The following TNIK variants were observed in gnomAD, a reference collection of about 807,000 sequenced individuals.
TNIK encodes the protein TRAF2 and NCK interacting kinase, also known as TRAF2 and NCK-interacting protein kinase.
In TNIK, 49 loss-of-function variants were observed where a neutral mutation model predicts 191.3. That is an observed-to-expected ratio of 0.26 (90% CI 0.20 to 0.32). The LOEUF is 0.32. Among genes scored for constraint, TNIK ranks in the 10% least tolerant of loss-of-function variants. The pLI is 1.00. For synonymous variants in TNIK, 594 were observed against 600.9 expected, an observed-to-expected ratio of 0.99 and a Z score of 0.17; for missense variants, 1,155 against 1,702.3, an observed-to-expected ratio of 0.68 and a Z score of 5.66.
At chr3:171,308,780 C>T (rs1275137432) in intron 2 of TNIK, among the ~76,000 whole-genome samples, 1 of 152,056 alleles carries the variant, frequency 6.6e-6, no homozygotes, top group African/African-American at 2.4e-5. Context: ...ATACATGCAT[C>T]CAACAAGCAT....
chr3:171,145,576 G>T (rs185552198), intron 12 of TNIK, among the ~76,000 whole-genome samples: 1 of 152,194 alleles, frequency 6.6e-6, no homozygotes, highest in Admixed American at 6.5e-5. Context: ...TTTAATGAGG[G>T]AATAGTAATT....
intron 1 of TNIK, among the ~76,000 whole-genome samples, chr3:171,454,993 AG>A (rs1023562705): frequency 1.3e-5 from 2 of 152,242 alleles, no homozygotes; most frequent in African/African-American, 4.8e-5. Context: ...TTAAAAAAGA[AG>A]GTTTTAATGA....
chr3:171,355,384 T>G (rs1450294295), intron 2 of TNIK, among the ~76,000 whole-genome samples: 1 of 152,194 alleles, frequency 6.6e-6, no homozygotes, highest in Non-Finnish European at 1.5e-5. Context: ...TCTTCATAAG[T>G]TCACAAGTGG....
At chr3:171,425,248 A>G (rs1052800709) in intron 1 of TNIK, among the ~76,000 whole-genome samples, 1 of 152,236 alleles carries the variant, frequency 6.6e-6, no homozygotes, top group Non-Finnish European at 1.5e-5. Flanking sequence ...AGACTGGTGT[A>G]CAAACTAACA....
chr3:171,104,242 T>A (rs928962346), intron 21 of TNIK, among the ~76,000 whole-genome samples: 4 of 152,106 alleles, frequency 2.6e-5, no homozygotes, highest in African/African-American at 9.6e-5. Flanking sequence ...ATCCGTCCAG[T>A]ATTGAAAAAT....
chr3:171,066,547 C>G (rs1303188429), intron 31 of TNIK, 29 bp downstream of exon 31: 1 of 1,608,088 alleles, frequency 6.2e-7, no homozygotes, highest in East Asian at 2.2e-5. Context: ...GGTGTAACTG[C>G]TGAAGGAGAT....
intron 1 of TNIK, among the ~76,000 whole-genome samples, chr3:171,378,986 G>T (rs1717639739): frequency 6.6e-6 from 1 of 152,160 alleles, no homozygotes; most frequent in African/African-American, 2.4e-5. Context: ...GGAAAGGAAG[G>T]AAACAGGGAC....
intron 1 of TNIK, among the ~76,000 whole-genome samples, chr3:171,373,904 T>C (rs1716874117): frequency 6.6e-6 from 1 of 152,212 alleles, no homozygotes; most frequent in Non-Finnish European, 1.5e-5. Flanking sequence ...CGCAATATGT[T>C]GTGCACAGCT....
At chr3:171,327,634 T>C (rs1026163059) in intron 2 of TNIK, among the ~76,000 whole-genome samples, 3 of 151,962 alleles carry the variant, frequency 2.0e-5, no homozygotes, top group Non-Finnish European at 4.4e-5. Flanking sequence ...GAACAGTAGC[T>C]CTGGAGTCTG....
rs1033130548 is a variant in TNIK at position 171,366,992 on chromosome 3, C to A, written c.123+2628G>T. ...CGTAAATTTCCTGAGGCCTCCTCAG[C>A]CAGGCAGAACTGTGAGTCAGTTAAA... is the stretch of plus-strand genomic sequence containing the variant. On this transcript the variant is annotated intron_variant, in intron 2 of 32. Transcript: ENST00000436636. This position sits in a 1 kb window ranked among gnomAD's most constrained non-coding sequence, Gnocchi z 4.1. Among the ~76,000 whole-genome samples the A allele has an allele frequency of 1.3e-5, 2 of 152,202 alleles. No individual in the cohort carries two copies. Among genetic ancestry groups the A allele is most frequent in the Non-Finnish European group, 2.9e-5 (2 of 68,044 alleles).
intron 1 of TNIK, among the ~76,000 whole-genome samples, chr3:171,454,395 T>A (rs1405575114): frequency 1.3e-5 from 2 of 152,072 alleles, no homozygotes; most frequent in Non-Finnish European, 2.9e-5. Context: ...GTTTTACAGA[T>A]AAGGGGGAAA....
intron 2 of TNIK, among the ~76,000 whole-genome samples, chr3:171,268,387 C>T (rs1195631298): frequency 6.6e-6 from 1 of 152,050 alleles, no homozygotes; most frequent in Non-Finnish European, 1.5e-5. Context: ...CCTGTGAGGC[C>T]AGTAAACAAG....
rs963105056 is a variant in TNIK, at chr3:171,059,989, A to G, written c.*3892T>C. 6.6e-6 allele frequency among the ~76,000 whole-genome samples: 1 copy of G among 152,218 alleles called. No homozygotes were observed. The highest frequency in any genetic ancestry group is 1.5e-5 in the Non-Finnish European group (1 of 68,038). ...GGATTTTCTCATGTTTTCCTGCAGT[A>G]GGTTAAAATTAAAAGTTTTATCAAT... On this transcript the variant is annotated 3_prime_UTR_variant, in exon 33 of 33. Coordinates refer to ENST00000436636, the MANE Select transcript of TNIK (RefSeq NM_015028.4).
At chr3:171,311,983 T>C (rs1334425808) in intron 2 of TNIK, among the ~76,000 whole-genome samples, 2 of 149,512 alleles carry the variant, frequency 1.3e-5, no homozygotes, top group East Asian at 3.9e-4. Flanking sequence ...ACTTCGGGGG[T>C]TGGGGGCGGG....
intron 1 of TNIK, among the ~76,000 whole-genome samples, chr3:171,382,475 C>A (rs943850060): frequency 6.6e-6 from 1 of 152,148 alleles, no homozygotes; most frequent in Non-Finnish European, 1.5e-5. Flanking sequence ...CTCGCCTCAG[C>A]CTCCCAAAGT....
intron 1 of TNIK, among the ~76,000 whole-genome samples, chr3:171,423,955 A>G (rs1724188550): frequency 6.6e-6 from 1 of 152,230 alleles, no homozygotes; most frequent in Admixed American, 6.5e-5. Flanking sequence ...ACCCAAAGCA[A>G]TGGCAACAAA....
intron 12 of TNIK, among the ~76,000 whole-genome samples, chr3:171,143,154 C>T (rs998125763): frequency 6.6e-6 from 1 of 152,216 alleles, no homozygotes; most frequent in African/African-American, 2.4e-5. Context: ...ATGGAGGCAT[C>T]TGCCAGGGCT....
chr3:171,282,636 G>A (rs1362983736), intron 2 of TNIK, among the ~76,000 whole-genome samples: 3 of 152,102 alleles, frequency 2.0e-5, no homozygotes, highest in Non-Finnish European at 4.4e-5. Flanking sequence ...GAGCCACCAC[G>A]CCCGGCCTCT....
intron 3 of TNIK, among the ~76,000 whole-genome samples, chr3:171,219,056 TA>T (rs1279383143): frequency 1.6e-5 from 2 of 122,046 alleles, no homozygotes; most frequent in Admixed American, 1.9e-4. Flanking sequence ...ATATTTAATA[TA>T]ATATATTAAA....
Sources: gnomAD v4.1 joint callset for allele counts (sites outside exome capture counted in the v4.1 genomes callset) on GRCh38, gnomAD v4.1.1 for gene constraint, Gnocchi (gnomAD v3.1) non-coding constraint, MANE v1.5 for transcripts, NCBI Gene and HGNC (gene_info 2026-07-23, HGNC 2026-07-21) for gene names.